BIN1: variants seen among roughly 807,000 people sequenced by gnomAD.
The protein encoded by BIN1 is myc box-dependent-interacting protein 1.
Under a neutral mutation model 82.0 loss-of-function variants are expected in BIN1, and 53 were observed. The ratio of observed to expected loss-of-function variants is 0.65; its 90% CI spans 0.52 to 0.81. BIN1 has a LOEUF of 0.81. Among genes scored for constraint, BIN1 ranks in the 40% least tolerant of loss-of-function variants. The pLI, the probability that BIN1 is intolerant of heterozygous loss-of-function variation, is 0.00. For missense variants in BIN1, 642 were observed against 784.4 expected (o/e 0.82, Z 2.17); for synonymous variants, 302 against 328.0 (o/e 0.92, Z 0.86).
In BIN1 at chr2:127,067,849, A is replaced by C; in HGVS notation, c.612+314T>G. On this transcript the variant is annotated intron_variant, in intron 7 of 18. Coordinates refer to ENST00000316724, the MANE Select transcript of BIN1 (RefSeq NM_139343.3). This position sits in a 1 kb window ranked among gnomAD's most constrained non-coding sequence, Gnocchi z 4.7. ...CGCCTCCCTCCCCAGAGGAGCCCTC[A>C]CAGAGGACAATGGCTCAAAGGCATT... Among the ~76,000 whole-genome samples, 1 of 152,190 alleles carries C rather than the reference A, an allele frequency of 6.6e-6. No homozygotes were observed. The highest frequency in any genetic ancestry group is 1.9e-4 in the East Asian group (1 of 5,186).
chr2:127,103,602 C>T (rs915335838), intron 1 of BIN1, among the ~76,000 whole-genome samples: 2 of 152,168 alleles, frequency 1.3e-5, no homozygotes, highest in Non-Finnish European at 2.9e-5. Context: ...CAGAGAAAGG[C>T]CCAGCTCCGT....
chr2:127,102,742 C>A (rs1680518999), intron 1 of BIN1, among the ~76,000 whole-genome samples: 1 of 152,244 alleles, frequency 6.6e-6, no homozygotes, highest in Non-Finnish European at 1.5e-5. Flanking sequence ...AGAACCCACA[C>A]ACACCTGGGC....
Position 127,070,907 on chromosome 2 carries a change from C to T in BIN1, c.166-91G>A. On this transcript the variant is annotated intron_variant, in intron 2 of 18. Transcript: ENST00000316724. ...TCCTGCCACCCTCACGTGAATGAAC[C>T]AGGCTGCTCTCCTGACAGCAGCCAC... The T allele has an allele frequency of 9.1e-6, 12 of 1,325,198 alleles. No individual in the cohort carries two copies. In the South Asian group the frequency reaches 1.5e-4, roughly 17 times the overall value. The allele number at this position is 1,325,198 out of a possible 1,614,324, so 82.1% of individuals were successfully genotyped here. A position where few individuals can be genotyped will look rare whatever the true frequency, so the allele number is the denominator to read the frequency against.
intron 7 of BIN1, among the ~76,000 whole-genome samples, chr2:127,065,792 G>A (rs574658602): frequency 1.8e-4 from 27 of 152,332 alleles, no homozygotes; most frequent in Non-Finnish European, 2.4e-4. Context: ...GAGCAAGAGC[G>A]GGGACAGTTC....
chr2:127,105,937 A>T (rs750027070), intron 1 of BIN1, among the ~76,000 whole-genome samples: 1 of 152,236 alleles, frequency 6.6e-6, no homozygotes, highest in Non-Finnish European at 1.5e-5. Flanking sequence ...GCGTGATCCA[A>T]TTCAATAAAC....
At chr2:127,102,149 A>AC (rs1680434086) in intron 1 of BIN1, among the ~76,000 whole-genome samples, 1 of 152,188 alleles carries the variant, frequency 6.6e-6, no homozygotes, top group Non-Finnish European at 1.5e-5. Flanking sequence ...GGAAACCCAG[A>AC]GCCTGTGCAC....
At chr2:127,091,237 G>A (rs1334891081) in intron 1 of BIN1, among the ~76,000 whole-genome samples, 1 of 151,640 alleles carries the variant, frequency 6.6e-6, no homozygotes, top group East Asian at 1.9e-4. Flanking sequence ...ACCCCACGCA[G>A]CACAGTACTG....
intron 1 of BIN1, among the ~76,000 whole-genome samples, chr2:127,103,632 C>T (rs928005008): frequency 6.6e-6 from 1 of 152,208 alleles, no homozygotes; most frequent in Non-Finnish European, 1.5e-5. Context: ...TCCATGAGGA[C>T]TCCCAAGCCG....
rs945771027 is a variant in BIN1, at chr2:127,067,013, G to A, written c.612+1150C>T. On this transcript the variant is annotated intron_variant, in intron 7 of 18. Transcript: ENST00000316724. This position sits in a 1 kb window ranked among gnomAD's most constrained non-coding sequence, Gnocchi z 4.7. ...TTGAGTTGGGGAAGTCAAGGCTGCA[G>A]TGAGTCATGATCACACCACTGCACT... 8.6e-5 allele frequency among the ~76,000 whole-genome samples: 13 copies of A among 151,332 alleles called. No homozygotes were observed. The highest frequency in any genetic ancestry group is 2.7e-4 in the African/African-American group (11 of 41,056).
chr2:127,080,853 C>G (rs1481983852), intron 1 of BIN1, among the ~76,000 whole-genome samples: 1 of 152,234 alleles, frequency 6.6e-6, no homozygotes, highest in Non-Finnish European at 1.5e-5. Context: ...CCACAGGGTT[C>G]AGCCTCGCTG....
chr2:127,073,490 C>T lies in BIN1; in HGVS notation c.166-2674G>A, dbSNP rs148912957. On this transcript the variant is annotated intron_variant, in intron 2 of 18. Coordinates refer to ENST00000316724, the MANE Select transcript of BIN1 (RefSeq NM_139343.3). ...GGAAGGTCCTGGAGCAGCTCCAGCG[C>T]GGCTGGGCTCAGCCAGCATCCCCAA... Among the ~76,000 whole-genome samples, 22 of 152,280 alleles carry T rather than the reference C, an allele frequency of 1.4e-4. 1 individual carries two copies. The highest frequency in any genetic ancestry group is 3.4e-3 in the Middle Eastern group (1 of 294).
At chr2:127,103,321 C>T (rs912176034) in intron 1 of BIN1, among the ~76,000 whole-genome samples, 1 of 152,188 alleles carries the variant, frequency 6.6e-6, no homozygotes, top group African/African-American at 2.4e-5. Flanking sequence ...AGACCTTGAC[C>T]ACGCAGCTGA....
chr2:127,060,558 G>T, intron 10 of BIN1: 1 of 1,613,526 alleles, frequency 6.2e-7, no homozygotes, highest in South Asian at 1.1e-5. Context: ...GCCAGGGCGC[G>T]GGCCTCTGCG....
rs1682762781 is a variant in BIN1 at position 127,050,430 on chromosome 2, A to C, written c.1665T>G (p.Pro555=). Residue 555 remains proline (P), a synonymous_variant, in exon 18 of 19, where the codon CCT becomes CCG. Transcript: ENST00000316724. ...DVVLVIPFQN[P]EEQDEGWLMG... Reference sequence around the variant, plus strand: ...CCCACCCAGCCCTCACCTGCTCTTCAGGGTTCTGGAAGGGGATCACCAGCA... The same window carrying C: ...CCCACCCAGCCCTCACCTGCTCTTCCGGGTTCTGGAAGGGGATCACCAGCA... 1.2e-6 allele frequency: 2 copies of C among 1,614,012 alleles called. No homozygotes were observed. The highest frequency in any genetic ancestry group is 4.5e-5 in the East Asian group (2 of 44,844).
At chr2:127,087,523 G>T (rs1454828382) in intron 1 of BIN1, among the ~76,000 whole-genome samples, 1 of 152,344 alleles carries the variant, frequency 6.6e-6, no homozygotes, top group Middle Eastern at 3.4e-3. Context: ...GCCCCGAGCA[G>T]AGCACACAGC....
intron 2 of BIN1, among the ~76,000 whole-genome samples, chr2:127,074,564 G>C (rs1041748496): frequency 2.6e-5 from 4 of 152,232 alleles, no homozygotes; most frequent in African/African-American, 9.6e-5. Context: ...TGTTTGCCCA[G>C]AGTCAGAGAC....
chr2:127,097,876 C>T (rs1463878939), intron 1 of BIN1, among the ~76,000 whole-genome samples: 1 of 152,208 alleles, frequency 6.6e-6, no homozygotes, highest in East Asian at 1.9e-4. Context: ...GCACTGTTCC[C>T]GCTGCCATCC....
intron 2 of BIN1, 88 bp from the exon 3 acceptor site, chr2:127,070,904 A>G (rs1339802621): frequency 2.2e-6 from 3 of 1,358,188 alleles, no homozygotes; most frequent in East Asian, 2.5e-5. Context: ...CACGTGAATG[A>G]ACCAGGCTGC....
chr2:127,063,183 T>C (rs967325744), intron 9 of BIN1, among the ~76,000 whole-genome samples: 1 of 152,232 alleles, frequency 6.6e-6, no homozygotes, highest in Non-Finnish European at 1.5e-5. Flanking sequence ...CTCAAAAGCA[T>C]GGGAGAAAAA....
Sources: allele counts gnomAD v4.1 joint callset (sites outside exome capture counted in the v4.1 genomes callset), GRCh38; gene constraint gnomAD v4.1.1; non-coding constraint Gnocchi (gnomAD v3.1); transcripts MANE v1.5; gene names NCBI Gene and HGNC (gene_info 2026-07-23, HGNC 2026-07-21).